Variants in CNTLN observed in about 807,000 individuals in gnomAD.
CNTLN encodes the protein centlein.
In CNTLN, 212 loss-of-function variants were observed where a neutral mutation model predicts 180.0. The observed-to-expected ratio is 1.18, with a 90% confidence interval of 1.05 to 1.32. CNTLN has a LOEUF of 1.32. Among genes scored for constraint, CNTLN ranks in the 40% most tolerant of loss-of-function variants. The probability of loss-of-function intolerance (pLI) is 0.00; values close to 1 mark genes in which losing one functional copy is unlikely to be tolerated. For synonymous variants in CNTLN, 722 were observed against 563.1 expected (o/e 1.28, Z -3.99); for missense variants, 2,095 against 1,610.9 (o/e 1.30, Z -5.14).
At chr9:17,399,625 C>G (rs1263442070) in intron 15 of CNTLN, among the ~76,000 whole-genome samples, 1 of 152,044 alleles carries the variant, frequency 6.6e-6, no homozygotes, top group Non-Finnish European at 1.5e-5. Context: ...GCAGCATATT[C>G]ACTCACATTA....
At chr9:17,434,936 C>T (rs772635544) in intron 18 of CNTLN, among the ~76,000 whole-genome samples, 1 of 152,054 alleles carries the variant, frequency 6.6e-6, no homozygotes, top group Non-Finnish European at 1.5e-5. Flanking sequence ...TAGCATATCC[C>T]TATAAGTAAT....
chr9:17,143,413 GTGTTGAGTT>G, intron 2 of CNTLN, 37 bp downstream of exon 2: 1 of 1,464,318 alleles, frequency 6.8e-7, no homozygotes, highest in East Asian at 2.3e-5. Context: ...AGTATTTGGT[GTGTTGAGTT>G]TGTTTCTCTT....
chr9:17,197,700 T>C (rs1394826005), intron 2 of CNTLN, among the ~76,000 whole-genome samples: 1 of 152,220 alleles, frequency 6.6e-6, no homozygotes, highest in Non-Finnish European at 1.5e-5. Flanking sequence ...GCTCACTTTA[T>C]TGATTGCTTC....
intron 14 of CNTLN, among the ~76,000 whole-genome samples, chr9:17,388,470 A>C (rs575563278): frequency 6.6e-6 from 1 of 152,226 alleles, no homozygotes; most frequent in South Asian, 2.1e-4. Flanking sequence ...ATGTAGATTA[A>C]CATTATTTTC....
chr9:17,444,840 A>G (rs1830308685), intron 18 of CNTLN, among the ~76,000 whole-genome samples: 1 of 152,196 alleles, frequency 6.6e-6, no homozygotes, highest in Non-Finnish European at 1.5e-5. Context: ...CTGATGGTAG[A>G]AGTTCCTATG....
At chr9:17,430,060 T>C (rs964145903) in intron 18 of CNTLN, among the ~76,000 whole-genome samples, 4 of 152,030 alleles carry the variant, frequency 2.6e-5, no homozygotes, top group African/African-American at 9.7e-5. Context: ...GAATTGATTG[T>C]TCATCTGTCT....
the CNTLN span, among the ~76,000 whole-genome samples, chr9:17,518,352 A>G: frequency 2.0e-5 from 3 of 151,906 alleles, no homozygotes; most frequent in East Asian, 5.8e-4. Context: ...TGGCCTCCAT[A>G]AAGTTTTAAT....
At chr9:17,288,235 A>G (rs1194155989) in intron 6 of CNTLN, among the ~76,000 whole-genome samples, 3 of 121,282 alleles carry the variant, frequency 2.5e-5, no homozygotes, top group Non-Finnish European at 3.3e-5. Flanking sequence ...TTCAAAGAAC[A>G]TCTTTATTGC....
intron 2 of CNTLN, among the ~76,000 whole-genome samples, chr9:17,205,429 A>T (rs1822847018): frequency 6.6e-6 from 1 of 152,212 alleles, no homozygotes; most frequent in African/African-American, 2.4e-5. Context: ...AGACTGGAAG[A>T]TTCACCACCA....
intron 2 of CNTLN, among the ~76,000 whole-genome samples, chr9:17,213,964 G>T (rs1207632558): frequency 6.6e-6 from 1 of 151,994 alleles, no homozygotes; most frequent in East Asian, 1.9e-4. Flanking sequence ...AGGTGATATG[G>T]GTCTTCTGAA....
At chr9:17,462,076 A>G (rs547353339) in intron 19 of CNTLN, among the ~76,000 whole-genome samples, 3 of 151,926 alleles carry the variant, frequency 2.0e-5, no homozygotes, top group Non-Finnish European at 2.9e-5. Flanking sequence ...GAGGTTTTCT[A>G]TCAGTTACCA....
intron 18 of CNTLN, among the ~76,000 whole-genome samples, chr9:17,435,946 A>G (rs886446930): frequency 1.3e-5 from 2 of 152,104 alleles, no homozygotes; most frequent in African/African-American, 4.8e-5. Context: ...CCCAGCTGGT[A>G]TTTCCAGATC....
In CNTLN at chr9:17,375,203, T is replaced by A. The variant is rs140474799; in HGVS notation, c.1987+8486T>A. On this transcript the variant is annotated intron_variant, in intron 13 of 25. Coordinates refer to ENST00000380647, the MANE Select transcript of CNTLN (RefSeq NM_017738.4). ...GACTTCACATGTTCTCACTTATTGG[T>A]GGGAGCTAAAAATTAAAACAATTGA... Among the ~76,000 whole-genome samples, 301 of 152,204 alleles carry A rather than the reference T, an allele frequency of 2.0e-3. 2 individuals carry two copies. Among genetic ancestry groups the A allele is most frequent in the South Asian group, 0.012 (59 of 4,822 alleles).
intron 19 of CNTLN, among the ~76,000 whole-genome samples, chr9:17,458,417 G>A (rs1345941217): frequency 6.6e-6 from 1 of 151,862 alleles, no homozygotes; most frequent in African/African-American, 2.4e-5. Flanking sequence ...AGTGGGGATT[G>A]CTAGCTAGAA....
At chr9:17,485,430 G>A (rs1832843941) in intron 24 of CNTLN, among the ~76,000 whole-genome samples, 1 of 152,112 alleles carries the variant, frequency 6.6e-6, no homozygotes, top group African/African-American at 2.4e-5. Context: ...TGAATTCCCA[G>A]TTTCTGTTTT....
chr9:17,264,888 T>C lies in CNTLN; in HGVS notation c.850-8845T>C, dbSNP rs1177607066. Among the ~76,000 whole-genome samples, 473 of 150,954 alleles carry C rather than the reference T, an allele frequency of 3.1e-3. 1 individual carries two copies. Among genetic ancestry groups the C allele is most frequent in the African/African-American group, 0.011 (457 of 40,754 alleles). The stretch of plus-strand genomic sequence containing the variant: ...ATGCTTGTGATTTTTGTACATTGAT[T>C]TTGTATCCTGAGACTTTGCCGAAGT... On this transcript the variant is annotated intron_variant, in intron 5 of 25. Transcript: ENST00000380647.
At chr9:17,410,013 T>G (rs914862884) in intron 16 of CNTLN, among the ~76,000 whole-genome samples, 3 of 152,178 alleles carry the variant, frequency 2.0e-5, no homozygotes, top group African/African-American at 7.2e-5. Context: ...AAAATTAGGT[T>G]GTCTTTGAAT....
chr9:17,434,210 T>C (rs1174787584), intron 18 of CNTLN, among the ~76,000 whole-genome samples: 1 of 152,062 alleles, frequency 6.6e-6, no homozygotes, highest in Non-Finnish European at 1.5e-5. Flanking sequence ...TTTCATTGAT[T>C]TTCTTTGTTT....
chr9:17,210,111 C>T (rs560608048), intron 2 of CNTLN, among the ~76,000 whole-genome samples: 6 of 152,170 alleles, frequency 3.9e-5, no homozygotes, highest in South Asian at 4.1e-4. Flanking sequence ...ATGTGCACAA[C>T]GTGCAGGTTT....
Sources: gnomAD v4.1 joint callset for allele counts (sites outside exome capture counted in the v4.1 genomes callset) on GRCh38, gnomAD v4.1.1 for gene constraint, MANE v1.5 for transcripts, NCBI Gene and HGNC (gene_info 2026-07-23, HGNC 2026-07-21) for gene names.